The following SIRPG variants were observed in gnomAD, a reference collection of about 807,000 sequenced individuals.
The protein encoded by SIRPG is signal regulatory protein gamma.
A neutral mutation model predicts 35.7 loss-of-function variants in SIRPG; 38 were observed. The ratio of observed to expected loss-of-function variants is 1.06; its 90% CI spans 0.82 to 1.40. The LOEUF is 1.40. SIRPG is among the 40% of genes most tolerant of loss of function. SIRPG has a pLI of 0.00. For synonymous variants in SIRPG, 215 were observed against 190.4 expected (o/e 1.13, Z -1.06); for missense variants, 519 against 483.0 (o/e 1.07, Z -0.70).
At chr20:1,661,044 A>G (rs1305415542), upstream of SIRPG, among the ~76,000 whole-genome samples, 1 of 152,214 alleles carries the variant, frequency 6.6e-6, no homozygotes, top group African/African-American at 2.4e-5. Context: ...AAATTACTTA[A>G]TACTATCTGA....
upstream of SIRPG, among the ~76,000 whole-genome samples, chr20:1,659,077 T>C (rs1476740961): frequency 2.6e-5 from 4 of 152,236 alleles, no homozygotes; most frequent in African/African-American, 7.2e-5. Flanking sequence ...ATATAAGCCA[T>C]ACTGAATGCT....
the SIRPG span, among the ~76,000 whole-genome samples, chr20:1,674,629 C>T: frequency 6.6e-6 from 1 of 152,290 alleles, no homozygotes; most frequent in South Asian, 2.1e-4. Context: ...ACAACACCAC[C>T]ATTCAGGACT....
chr20:1,680,283 T>G, the SIRPG span, among the ~76,000 whole-genome samples: 1 of 152,164 alleles, frequency 6.6e-6, no homozygotes, highest in South Asian at 2.1e-4. Flanking sequence ...ACAATGCCCC[T>G]CTTGGCCTCA....
the SIRPG span, among the ~76,000 whole-genome samples, chr20:1,673,252 C>CA: frequency 6.6e-6 from 1 of 152,256 alleles, no homozygotes; most frequent in Non-Finnish European, 1.5e-5. Flanking sequence ...AATCAATTTC[C>CA]ATTTATGGGA....
intron 4 of SIRPG, among the ~76,000 whole-genome samples, chr20:1,635,050 A>G (rs1475157304): frequency 1.3e-5 from 2 of 152,188 alleles, no homozygotes; most frequent in East Asian, 3.9e-4. Context: ...CTCAAAAAAA[A>G]AAAAAATTAA....
At chr20:1,637,003 C>T (rs2091808976) in intron 2 of SIRPG, among the ~76,000 whole-genome samples, 1 of 152,162 alleles carries the variant, frequency 6.6e-6, no homozygotes, top group South Asian at 2.1e-4. Context: ...AGTGGGACAG[C>T]AGCATTTTCC....
intron 2 of SIRPG, among the ~76,000 whole-genome samples, chr20:1,643,997 C>T (rs747006327): frequency 4.6e-5 from 7 of 152,186 alleles, no homozygotes; most frequent in South Asian, 2.1e-4. Flanking sequence ...AGTAGGAGCA[C>T]TCCTGTGTAG....
chr20:1,632,371 C>T (rs1420437231), intron 4 of SIRPG, among the ~76,000 whole-genome samples: 2 of 152,198 alleles, frequency 1.3e-5, no homozygotes, highest in African/African-American at 4.8e-5. Flanking sequence ...AGTCTCTTAC[C>T]CGGCTCCCAC....
upstream of SIRPG, among the ~76,000 whole-genome samples, chr20:1,658,234 C>T (rs1283283426): frequency 7.9e-5 from 12 of 152,208 alleles, no homozygotes; most frequent in Admixed American, 7.9e-4. Flanking sequence ...AAATGATTTT[C>T]TATTCCAAAT....
In SIRPG at chr20:1,650,004, G is replaced by GTATATATA. The variant is rs71193923; in HGVS notation, c.74-604_74-597dup. The stretch of plus-strand genomic sequence containing the variant: ...ACTCCTGAACTCTACTTTGAAGTGT[G>GTATATATA]TATATATATATATATATATATATGT... On this transcript the variant is annotated intron_variant, in intron 1 of 5. Coordinates refer to ENST00000303415, the MANE Select transcript of SIRPG (RefSeq NM_018556.4). Among the ~76,000 whole-genome samples the GTATATATA allele has an allele frequency of 1.3e-3, 132 of 98,800 alleles. 1 individual carries two copies. The highest frequency in any genetic ancestry group is 4.1e-3 in the African/African-American group (106 of 25,712). The allele number at this position is 98,800 out of a possible 152,430, so 64.8% of individuals were successfully genotyped here. A position where few individuals can be genotyped will look rare whatever the true frequency, so the allele number is the denominator to read the frequency against.
At chr20:1,675,853 C>G in the SIRPG span, among the ~76,000 whole-genome samples, 1 of 151,248 alleles carries the variant, frequency 6.6e-6, no homozygotes, top group African/African-American at 2.4e-5. Context: ...ATTAAATGAG[C>G]TCTGGCAGTG....
intron 1 of SIRPG, among the ~76,000 whole-genome samples, 183 bp from the exon 2 acceptor site, chr20:1,649,591 A>G (rs569025530): frequency 6.7e-6 from 1 of 149,546 alleles, no homozygotes; most frequent in African/African-American, 2.5e-5. Context: ...AGACTGTATT[A>G]CAATTGAGGG....
the SIRPG span, among the ~76,000 whole-genome samples, chr20:1,666,064 C>G: frequency 6.6e-6 from 1 of 151,600 alleles, no homozygotes; most frequent in South Asian, 2.1e-4. Context: ...TGATCCTGAC[C>G]CTGTAGGCCC....
chr20:1,632,709 T>C (rs1375002217), intron 4 of SIRPG, among the ~76,000 whole-genome samples: 2 of 151,992 alleles, frequency 1.3e-5, no homozygotes, highest in Non-Finnish European at 2.9e-5. Flanking sequence ...GCCTCAGGAC[T>C]GAGGGACAGC....
At chr20:1,671,035 G>A in the SIRPG span, 1 of 413,678 alleles carries the variant, frequency 2.4e-6, no homozygotes, top group South Asian at 2.0e-5. Context: ...TTCTCCTGCA[G>A]GGTCCACGTT....
chr20:1,658,728 A>G (rs777590685), upstream of SIRPG, among the ~76,000 whole-genome samples: 3 of 152,188 alleles, frequency 2.0e-5, no homozygotes, highest in Non-Finnish European at 4.4e-5. Context: ...GTAGGTCATT[A>G]TTGATACTCA....
chr20:1,649,285 C>A lies in SIRPG; in HGVS notation c.197G>T (p.Trp66Leu), dbSNP rs143474967. ...TSLLPVGPVL[W>L]FRGVGPGREL... ...CCGGCCTGGTCCAACTCCTCTGAAC[C>A]ACAGGACGGGTCCCACGGGAAGCAG... is the stretch of plus-strand genomic sequence containing the variant. Residue 66 changes from tryptophan (W) to leucine (L), a missense_variant, in exon 2 of 6, where the codon TGG (tryptophan) becomes TTG (leucine). Trp to Leu is a moderately conservative substitution (Grantham distance 61). Transcript: ENST00000303415. 1.9e-4 allele frequency: 307 copies of A among 1,614,104 alleles called. 2 individuals carry two copies. In the African/African-American group the frequency reaches 3.7e-3, roughly 19 times the overall value.
chr20:1,644,062 A>G (rs2091877955), intron 2 of SIRPG, among the ~76,000 whole-genome samples: 1 of 152,242 alleles, frequency 6.6e-6, no homozygotes, highest in Non-Finnish European at 1.5e-5. Context: ...CACGGGGAGC[A>G]GGACCCATTT....
chr20:1,659,437 A>G (rs2091990416), upstream of SIRPG, among the ~76,000 whole-genome samples: 1 of 152,270 alleles, frequency 6.6e-6, no homozygotes, highest in Non-Finnish European at 1.5e-5. Context: ...GAATATATGA[A>G]TCAATGTCTA....
Sources: allele counts gnomAD v4.1 joint callset (sites outside exome capture counted in the v4.1 genomes callset), GRCh38; gene constraint gnomAD v4.1.1; transcripts MANE v1.5; gene names NCBI Gene and HGNC (gene_info 2026-07-23, HGNC 2026-07-21).